The following PLGRKT variants were observed in gnomAD, a reference collection of about 807,000 sequenced individuals.
The protein encoded by PLGRKT is plasminogen receptor (KT).
PLGRKT carries 22 observed loss-of-function variants against 18.5 expected under a neutral mutation model. The ratio of observed to expected loss-of-function variants is 1.19; its 90% CI spans 0.85 to 1.70. The LOEUF (loss-of-function observed/expected upper bound fraction) is 1.70, where lower values mean the gene tolerates loss of function less well. Ranked by LOEUF, PLGRKT falls within the 40% of genes most tolerant of loss-of-function variation. PLGRKT has a pLI of 0.00. For synonymous variants in PLGRKT, 72 were observed against 52.8 expected (o/e 1.36, Z -1.58); for missense variants, 235 against 174.4 (o/e 1.35, Z -1.96).
At chr9:5,412,218 A>G (rs573128935) in intron 3 of PLGRKT, among the ~76,000 whole-genome samples, 1 of 152,236 alleles carries the variant, frequency 6.6e-6, no homozygotes, top group Non-Finnish European at 1.5e-5. Context: ...AGACTTCTTA[A>G]TAAGTGGTAT....
At chr9:5,360,355 G>A (rs566580162) in intron 5 of PLGRKT, among the ~76,000 whole-genome samples, 2 of 152,162 alleles carry the variant, frequency 1.3e-5, no homozygotes, top group East Asian at 3.8e-4. Context: ...AAATATTATA[G>A]GCTTGTGGAC....
At position 5,358,075 on chromosome 9, in the gene PLGRKT, TTGAA is replaced by T. The variant is rs966670990; in HGVS notation, c.*160_*163del. On this transcript the variant is annotated 3_prime_UTR_variant, in exon 6 of 6. Transcript: ENST00000223864. ...TTTAGAGCACCTCCATGATTTTGTG[TTGAA>T]TGTTATAAATTTTATTTTAAAATAG... 9.8e-6 allele frequency: 5 copies of T among 509,712 alleles called. No individual in the cohort carries two copies. Among genetic ancestry groups the T allele is most frequent in the African/African-American group, 9.6e-5 (5 of 52,136 alleles). 31.6% of individuals were successfully genotyped at this position (509,712 alleles called of 1,614,324 possible). A position where few individuals can be genotyped will look rare whatever the true frequency, so the allele number is the denominator to read the frequency against.
chr9:5,437,160 T>C (rs1259584202), intron 1 of PLGRKT, among the ~76,000 whole-genome samples: 1 of 152,146 alleles, frequency 6.6e-6, no homozygotes, highest in Non-Finnish European at 1.5e-5. Flanking sequence ...TGGGAAGGTG[T>C]ATTTCTGGGG....
At chr9:5,420,723 C>T (rs1283731195) in intron 3 of PLGRKT, among the ~76,000 whole-genome samples, 2 of 152,174 alleles carry the variant, frequency 1.3e-5, no homozygotes, top group Admixed American at 1.3e-4. Flanking sequence ...TCTTCTCCTC[C>T]ACCTACTCTA....
intron 3 of PLGRKT, among the ~76,000 whole-genome samples, chr9:5,414,463 T>C (rs1818421505): frequency 6.6e-6 from 1 of 152,192 alleles, no homozygotes; most frequent in South Asian, 2.1e-4. Flanking sequence ...CTACCGTGAA[T>C]GTATCTTTTT....
Position 5,410,666 on chromosome 9 carries a change from T to C in PLGRKT, c.81+21231A>G, listed in dbSNP as rs576942901. Among the ~76,000 whole-genome samples, 9 of 152,354 alleles carry C rather than the reference T, an allele frequency of 5.9e-5. No individual in the cohort carries two copies. In the South Asian group the frequency reaches 1.9e-3, roughly 32 times the overall value. On this transcript the variant is annotated intron_variant, in intron 3 of 5. Transcript: ENST00000223864. ...TATAAAAAATGAATTAATTTGTTCA[T>C]ACTGAAACTTTGTCTAACACTATTG...
At chr9:5,432,913 G>A (rs1187122307) in intron 2 of PLGRKT, among the ~76,000 whole-genome samples, 5 of 152,084 alleles carry the variant, frequency 3.3e-5, no homozygotes, top group Admixed American at 6.5e-5. Flanking sequence ...CTGCCCGCCC[G>A]CCACTCCGTC....
At chr9:5,374,606 T>A (rs1331980088) in intron 3 of PLGRKT, among the ~76,000 whole-genome samples, 4 of 152,176 alleles carry the variant, frequency 2.6e-5, no homozygotes, top group Non-Finnish European at 5.9e-5. Context: ...CTAGTTCTAT[T>A]ATGTGATTGT....
intron 3 of PLGRKT, among the ~76,000 whole-genome samples, chr9:5,362,246 C>T (rs1447224122): frequency 1.3e-5 from 2 of 152,154 alleles, no homozygotes; most frequent in African/African-American, 4.8e-5. Context: ...TCTTATTGGC[C>T]TTTATTTCTA....
At chr9:5,419,534 C>CA (rs1331214807) in intron 3 of PLGRKT, among the ~76,000 whole-genome samples, 1 of 151,116 alleles carries the variant, frequency 6.6e-6, no homozygotes, top group Non-Finnish European at 1.5e-5. Context: ...CCGCGAGCCA[C>CA]AAAAAAAGAC....
intron 2 of PLGRKT, among the ~76,000 whole-genome samples, chr9:5,433,405 G>A (rs73597758): frequency 4.7e-5 from 7 of 147,712 alleles, no homozygotes; most frequent in South Asian, 2.2e-4. Context: ...TGTGAGGAGC[G>A]CCTCTGCCTG....
At chr9:5,428,389 T>C (rs1271028592) in intron 3 of PLGRKT, among the ~76,000 whole-genome samples, 1 of 152,014 alleles carries the variant, frequency 6.6e-6, no homozygotes, top group Non-Finnish European at 1.5e-5. Context: ...TGGACACGAG[T>C]GCCAAAGTCT....
intron 5 of PLGRKT, among the ~76,000 whole-genome samples, chr9:5,360,328 T>A (rs1474617295): frequency 6.6e-6 from 1 of 152,222 alleles, no homozygotes; most frequent in Non-Finnish European, 1.5e-5. Flanking sequence ...GCAAACTGTC[T>A]TAAAGGGCCA....
At chr9:5,389,155 T>A (rs1474654328) in intron 3 of PLGRKT, among the ~76,000 whole-genome samples, 1 of 151,842 alleles carries the variant, frequency 6.6e-6, no homozygotes, top group Admixed American at 6.6e-5. Context: ...GTGGCCATAG[T>A]TATATGATGG....
intron 3 of PLGRKT, among the ~76,000 whole-genome samples, chr9:5,390,320 A>G (rs1817925482): frequency 6.6e-6 from 1 of 151,648 alleles, no homozygotes; most frequent in East Asian, 1.9e-4. Context: ...GAAGACCTAG[A>G]CATGTGACAC....
intron 3 of PLGRKT, among the ~76,000 whole-genome samples, chr9:5,363,943 G>A (rs1817325119): frequency 6.6e-6 from 1 of 152,206 alleles, no homozygotes; most frequent in African/African-American, 2.4e-5. Context: ...ATTAGTGTGT[G>A]AAATTCATCC....
At chr9:5,395,701 T>C (rs1306152521) in intron 3 of PLGRKT, among the ~76,000 whole-genome samples, 1 of 151,820 alleles carries the variant, frequency 6.6e-6, no homozygotes, top group Admixed American at 6.6e-5. Flanking sequence ...GCATAATAAC[T>C]TGTAAGCCTA....
chr9:5,417,698 T>C (rs551185876), intron 3 of PLGRKT, among the ~76,000 whole-genome samples: 2 of 151,694 alleles, frequency 1.3e-5, no homozygotes, highest in Non-Finnish European at 2.9e-5. Flanking sequence ...TGCTCCCCTA[T>C]TGGGCTTTCA....
At chr9:5,377,735 C>T (rs1441309778) in intron 3 of PLGRKT, among the ~76,000 whole-genome samples, 4 of 152,162 alleles carry the variant, frequency 2.6e-5, no homozygotes, top group African/African-American at 7.2e-5. Context: ...CACGTAACAA[C>T]AAATGGTGCC....
Sources: allele counts gnomAD v4.1 joint callset (sites outside exome capture counted in the v4.1 genomes callset), GRCh38; gene constraint gnomAD v4.1.1; transcripts MANE v1.5; gene names NCBI Gene and HGNC (gene_info 2026-07-23, HGNC 2026-07-21).